The following AASDH variants were observed in gnomAD, a reference collection of about 807,000 sequenced individuals.
The protein encoded by AASDH is aminoadipate-semialdehyde dehydrogenase.
A neutral mutation model predicts 102.3 loss-of-function variants in AASDH; 81 were observed. The ratio of observed to expected loss-of-function variants is 0.79; its 90% CI spans 0.66 to 0.95. AASDH has a LOEUF of 0.95. Among genes scored for constraint, AASDH ranks in the 40% least tolerant of loss-of-function variants. AASDH has a pLI of 0.00. For missense variants in AASDH, 1,203 were observed against 1,266.2 expected (o/e 0.95, Z 0.76); for synonymous variants, 398 against 454.0 (o/e 0.88, Z 1.57).
chr4:56,348,130 AAC>A (rs1043859008), intron 11 of AASDH, among the ~76,000 whole-genome samples: 5 of 151,868 alleles, frequency 3.3e-5, no homozygotes, highest in African/African-American at 1.2e-4. Context: ...CAGCCTGGGA[AAC>A]AGAGCCAGAC....
intron 4 of AASDH, among the ~76,000 whole-genome samples, chr4:56,375,479 C>CA (rs1211257770): frequency 6.6e-6 from 1 of 151,834 alleles, no homozygotes; most frequent in Non-Finnish European, 1.5e-5. Flanking sequence ...AAAAGCAAAC[C>CA]AAAAAAAGAT....
At chr4:56,371,182 C>G (rs563081478) in intron 5 of AASDH, among the ~76,000 whole-genome samples, 1 of 152,244 alleles carries the variant, frequency 6.6e-6, no homozygotes, top group African/African-American at 2.4e-5. Context: ...CTTCTCAAAT[C>G]CAACAAATCT....
intron 3 of AASDH, among the ~76,000 whole-genome samples, chr4:56,379,457 T>C (rs1274727105): frequency 6.6e-6 from 1 of 152,102 alleles, no homozygotes; most frequent in Admixed American, 6.6e-5. Context: ...AATCCTCGGA[T>C]AGGAAACCTC....
intron 14 of AASDH, 120 bp from the exon 15 acceptor site, chr4:56,338,911 T>C: frequency 1.0e-6 from 1 of 998,530 alleles, no homozygotes; most frequent in Non-Finnish European, 1.4e-6. Flanking sequence ...ATGGTAACTA[T>C]ACACAGACAA....
At chr4:56,341,740 A>C (rs894706823) in intron 14 of AASDH, among the ~76,000 whole-genome samples, 15 of 151,996 alleles carry the variant, frequency 9.9e-5, no homozygotes, top group African/African-American at 3.1e-4. Context: ...AGCCAGGCCC[A>C]AAAAGACAAA....
intron 6 of AASDH, 76 bp downstream of exon 6, chr4:56,355,106 T>A: frequency 6.7e-7 from 1 of 1,487,180 alleles, no homozygotes; most frequent in East Asian, 2.3e-5. Context: ...CCAGCACCTA[T>A]CAAAAACACT....
intron 10 of AASDH, 132 bp downstream of exon 10, chr4:56,351,210 G>C: frequency 1.7e-6 from 1 of 584,358 alleles, no homozygotes; most frequent in South Asian, 2.3e-5. Context: ...GATAAATGAA[G>C]ATATACTACC....
intron 9 of AASDH, among the ~76,000 whole-genome samples, chr4:56,352,332 C>T (rs1749111067): frequency 6.6e-6 from 1 of 152,044 alleles, no homozygotes; most frequent in African/African-American, 2.4e-5. Flanking sequence ...GTAGATTGGG[C>T]ATCATCCAAA....
chr4:56,383,476 CATATT>C (rs1181768115), intron 2 of AASDH, among the ~76,000 whole-genome samples: 3 of 152,098 alleles, frequency 2.0e-5, no homozygotes, highest in Non-Finnish European at 4.4e-5. Context: ...TACTAAGACA[CATATT>C]ATAGAATGAA....
At chr4:56,358,641 T>C (rs1749908195) in intron 5 of AASDH, among the ~76,000 whole-genome samples, 1 of 152,174 alleles carries the variant, frequency 6.6e-6, no homozygotes, top group South Asian at 2.1e-4. Context: ...CTTTACGTAG[T>C]ATACATCATC....
intron 2 of AASDH, 49 bp downstream of exon 2, chr4:56,384,021 T>C (rs1230667650): frequency 1.3e-6 from 2 of 1,492,300 alleles, no homozygotes; most frequent in Admixed American, 1.7e-5. Flanking sequence ...TATTAAAAAT[T>C]TACATTAGCT....
intron 1 of AASDH, among the ~76,000 whole-genome samples, 188 bp downstream of exon 1, chr4:56,387,174 C>G (rs1014537518): frequency 6.6e-5 from 10 of 152,178 alleles, no homozygotes; most frequent in African/African-American, 2.4e-4. Flanking sequence ...GCTAGTGACG[C>G]AGGAGTGTAC....
intron 5 of AASDH, among the ~76,000 whole-genome samples, chr4:56,363,564 C>G (rs1750593676): frequency 6.6e-6 from 1 of 152,170 alleles, no homozygotes; most frequent in Admixed American, 6.5e-5. Context: ...TGCAGTTCAC[C>G]AATATCCGCT....
chr4:56,350,424 C>T (rs1748866649), intron 10 of AASDH, among the ~76,000 whole-genome samples: 1 of 151,512 alleles, frequency 6.6e-6, no homozygotes, highest in African/African-American at 2.4e-5. Flanking sequence ...ACTGCACTCC[C>T]GCCTGGGCAA....
intron 1 of AASDH, among the ~76,000 whole-genome samples, chr4:56,384,699 T>C (rs1051542309): frequency 6.7e-6 from 1 of 150,336 alleles, no homozygotes; most frequent in Non-Finnish European, 1.5e-5. Flanking sequence ...GACCCCACAC[T>C]TAATTTTTTT....
intron 5 of AASDH, among the ~76,000 whole-genome samples, chr4:56,362,794 C>T (rs1463942482): frequency 2.6e-5 from 4 of 152,158 alleles, no homozygotes; most frequent in African/African-American, 7.2e-5. Flanking sequence ...CTCCAGTCTA[C>T]AGCTCCCAGC....
In AASDH at chr4:56,351,377, CT is replaced by C; in HGVS notation, c.1656del (p.Glu553ArgfsTer15). On this transcript the variant is annotated frameshift_variant, in exon 10 of 15. Coordinates refer to ENST00000205214, the MANE Select transcript of AASDH (RefSeq NM_181806.4). LOFTEE classifies it high-confidence loss of function. ...TACTGTAATTTTTCCCAAAGGTCCT[CT>C]TTCCCACTGAGCTTATTCTCAGACT... is the stretch of plus-strand genomic sequence containing the variant. ...NLKSENKLSG[K>X]EDLWEKLQYL... 6.2e-7 allele frequency: 1 copy of C among 1,600,838 alleles called. No individual in the cohort carries two copies. The highest frequency in any genetic ancestry group is 8.5e-7 in the Non-Finnish European group (1 of 1,170,532).
Position 56,342,895 on chromosome 4 carries a change from CTGTG to C in AASDH, c.2843_2846del (p.Ser948CysfsTer8). The C allele has an allele frequency of 5.7e-6, 9 of 1,590,510 alleles. No homozygotes were observed. The highest frequency in any genetic ancestry group is 1.8e-5 in the Admixed American group (1 of 56,544). Reference sequence around the variant, plus strand: ...CATCTACACAGCCAATACAAATATACTGTGAGCAACATTGTGGGGAAGAGAAGAG... The same window carrying C: ...CATCTACACAGCCAATACAAATATACAGCAACATTGTGGGGAAGAGAAGAG... On this transcript the variant is annotated frameshift_variant, in exon 14 of 15. Coordinates refer to ENST00000205214, the MANE Select transcript of AASDH (RefSeq NM_181806.4). LOFTEE classifies it high-confidence loss of function.
At chr4:56,365,451 C>T (rs1157190232) in intron 5 of AASDH, among the ~76,000 whole-genome samples, 13 of 152,004 alleles carry the variant, frequency 8.6e-5, no homozygotes, top group African/African-American at 2.9e-4. Context: ...TATTCCAAAA[C>T]TGACCAAATA....
Sources: gnomAD v4.1 joint callset for allele counts (sites outside exome capture counted in the v4.1 genomes callset) on GRCh38, gnomAD v4.1.1 for gene constraint, MANE v1.5 for transcripts, NCBI Gene and HGNC (gene_info 2026-07-23, HGNC 2026-07-21) for gene names.